Variants in ESRRB observed in about 807,000 individuals in gnomAD.
ESRRB encodes the protein estrogen related receptor beta, also known as steroid hormone receptor ERR2.
In ESRRB, 16 loss-of-function variants were observed where a neutral mutation model predicts 46.0. That is an observed-to-expected ratio of 0.35 (90% CI 0.24 to 0.53). ESRRB has a LOEUF of 0.53. Among genes scored for constraint, ESRRB ranks in the 20% least tolerant of loss-of-function variants. The pLI, the probability that ESRRB is intolerant of heterozygous loss-of-function variation, is 0.93. For missense variants in ESRRB, 488 were observed against 607.4 expected (o/e 0.80, Z 2.07); for synonymous variants, 246 against 259.6 (o/e 0.95, Z 0.50).
At chr14:76,358,325 AAGAAAGAAAGAAAGAAAGAAAGAAAG>A (rs1884412231) in intron 1 of ESRRB, among the ~76,000 whole-genome samples, 7 of 15,098 alleles carry the variant, frequency 4.6e-4, no homozygotes, top group African/African-American at 1.1e-3. Flanking sequence ...AAAAAAAAAA[AAGAAAGAAAGAAAGAAAGAAAGAAAG>A]AAAGAAAGAA....
chr14:76,472,406 G>A (rs930260994), intron 3 of ESRRB, among the ~76,000 whole-genome samples: 1 of 152,206 alleles, frequency 6.6e-6, no homozygotes, highest in African/African-American at 2.4e-5. Flanking sequence ...ATCCACCACA[G>A]TGCCCGGAGC....
At chr14:76,456,044 A>G (rs922732161) in intron 2 of ESRRB, among the ~76,000 whole-genome samples, 34 of 103,302 alleles carry the variant, frequency 3.3e-4, no homozygotes, top group African/African-American at 1.2e-3. Context: ...ACTCGCACAC[A>G]CACACACACA....
intron 1 of ESRRB, among the ~76,000 whole-genome samples, chr14:76,416,893 A>G (rs778743362): frequency 1.3e-5 from 2 of 152,228 alleles, no homozygotes; most frequent in Non-Finnish European, 2.9e-5. Flanking sequence ...TGGACAGATG[A>G]TAAACGGAGA....
chr14:76,421,696 A>C (rs1270748891), intron 1 of ESRRB, among the ~76,000 whole-genome samples: 1 of 152,220 alleles, frequency 6.6e-6, no homozygotes, highest in Non-Finnish European at 1.5e-5. Context: ...CCTGGAGGGC[A>C]CAGGCTAGGT....
intron 1 of ESRRB, among the ~76,000 whole-genome samples, chr14:76,358,665 A>G (rs550243044): frequency 2.4e-4 from 36 of 152,368 alleles, no homozygotes; most frequent in African/African-American, 8.7e-4. Context: ...CCTTGCGTTC[A>G]CTAAAACACA....
At position 76,388,175 on chromosome 14, in the gene ESRRB, C is replaced by CTTT. The variant is rs35368784; in HGVS notation, c.50+11743_50+11745dup. Among the ~76,000 whole-genome samples, 279 of 118,232 alleles carry CTTT rather than the reference C, an allele frequency of 2.4e-3. 4 individuals carry two copies. Among genetic ancestry groups the CTTT allele is most frequent in the African/African-American group, 5.3e-3 (151 of 28,332 alleles). 77.6% of individuals were successfully genotyped at this position (118,232 alleles called of 152,430 possible). The stretch of plus-strand genomic sequence containing the variant: ...TCTAGAATTTCAGCTTTCTTTCATT[C>CTTT]TTTTTTTTTTTTTTTTTTTTTGAGA... On this transcript the variant is annotated intron_variant, in intron 1 of 6. Coordinates refer to ENST00000644823, the MANE Select transcript of ESRRB (RefSeq NM_001379180.1).
intron 2 of ESRRB, among the ~76,000 whole-genome samples, chr14:76,455,224 AT>A (rs1888557649): frequency 6.6e-6 from 1 of 151,996 alleles, no homozygotes; most frequent in Non-Finnish European, 1.5e-5. Flanking sequence ...CTCAAAAAAA[AT>A]ATATATATAT....
intron 2 of ESRRB, among the ~76,000 whole-genome samples, chr14:76,457,835 G>A (rs775275215): frequency 3.3e-5 from 5 of 152,012 alleles, no homozygotes; most frequent in Non-Finnish European, 7.4e-5. Context: ...ACCATGCCTG[G>A]CTAATTTTTT....
At chr14:76,426,062 G>A (rs1177876609) in intron 1 of ESRRB, among the ~76,000 whole-genome samples, 1 of 152,232 alleles carries the variant, frequency 6.6e-6, no homozygotes, top group East Asian at 1.9e-4. Context: ...CAATCCCAGT[G>A]CTTCAGTTGC....
intron 1 of ESRRB, among the ~76,000 whole-genome samples, chr14:76,384,024 G>T (rs1423036998): frequency 6.6e-6 from 1 of 152,144 alleles, no homozygotes; most frequent in Non-Finnish European, 1.5e-5. Context: ...TGGAACCCTA[G>T]TTTGGGATCT....
At chr14:76,461,444 TA>T (rs1169659761) in intron 2 of ESRRB, among the ~76,000 whole-genome samples, 2 of 147,438 alleles carry the variant, frequency 1.4e-5, no homozygotes, top group Non-Finnish European at 3.0e-5. Flanking sequence ...GCCTACAGCT[TA>T]AAAGAGCATG....
Position 76,376,480 on chromosome 14 carries a change from T to C in ESRRB, c.50+29T>C. ...GGTGCCCTGCTTCTCGGTCTGTCTG[T>C]CCTTCTGCCCGTCTGGCAGTCTCTG... On this transcript the variant is annotated intron_variant, in intron 1 of 6. Coordinates refer to ENST00000644823, the MANE Select transcript of ESRRB (RefSeq NM_001379180.1). The surrounding 1 kb of genome is among the most constrained non-coding windows in gnomAD (Gnocchi z 4.1). The C allele has an allele frequency of 8.1e-7, 1 of 1,229,138 alleles. No individual in the cohort carries two copies. Among genetic ancestry groups the C allele is most frequent in the Non-Finnish European group, 1.0e-6 (1 of 985,594 alleles). 76.1% of individuals were successfully genotyped at this position (1,229,138 alleles called of 1,614,324 possible). A position where few individuals can be genotyped will look rare whatever the true frequency, so the allele number is the denominator to read the frequency against.
intron 1 of ESRRB, among the ~76,000 whole-genome samples, chr14:76,346,252 C>T (rs191637161): frequency 3.3e-5 from 5 of 152,290 alleles, no homozygotes; most frequent in Non-Finnish European, 5.9e-5. Context: ...AGATCCTGCC[C>T]TTAAGGTGAA....
intron 2 of ESRRB, among the ~76,000 whole-genome samples, chr14:76,445,481 A>AAG (rs1888101366): frequency 8.1e-6 from 1 of 124,042 alleles, no homozygotes; most frequent in African/African-American, 4.1e-5. Flanking sequence ...AAAAAAAAAA[A>AAG]AAAAGAAAGA....
chr14:76,487,644 C>G (rs1019397509), intron 5 of ESRRB, among the ~76,000 whole-genome samples: 2 of 151,998 alleles, frequency 1.3e-5, no homozygotes, highest in African/African-American at 4.8e-5. Flanking sequence ...CGCTTTGTCA[C>G]CCAGGCTGGA....
Position 76,482,160 on chromosome 14 carries a change from A to C in ESRRB, c.688+34A>C, listed in dbSNP as rs192294253. 1 of 1,504,556 alleles carries C rather than the reference A, an allele frequency of 6.6e-7. No homozygotes were observed. The highest frequency in any genetic ancestry group is 2.3e-5 in the East Asian group (1 of 44,392). 93.2% of individuals were successfully genotyped at this position (1,504,556 alleles called of 1,614,324 possible). On this transcript the variant is annotated intron_variant, in intron 4 of 6. Transcript: ENST00000644823. The surrounding 1 kb of genome is among the most constrained non-coding windows in gnomAD (Gnocchi z 4.3). ...CAGGGCAGTCCCTGCCCCTTTTGCC[A>C]GCATCTGTACCTGGAACATCAGGCA...
chr14:76,449,614 G>T (rs1164159944), intron 2 of ESRRB, among the ~76,000 whole-genome samples: 1 of 152,026 alleles, frequency 6.6e-6, no homozygotes, highest in Non-Finnish European at 1.5e-5. Context: ...CTCAGGCAAG[G>T]AGCATTGATT....
At chr14:76,478,043 C>G (rs1889649951) in intron 3 of ESRRB, among the ~76,000 whole-genome samples, 1 of 152,138 alleles carries the variant, frequency 6.6e-6, no homozygotes. Flanking sequence ...TTATCATTAT[C>G]ATTATTCATG....
intron 3 of ESRRB, among the ~76,000 whole-genome samples, chr14:76,479,215 GTT>G (rs1208879060): frequency 5.5e-5 from 7 of 126,808 alleles, no homozygotes; most frequent in East Asian, 2.4e-4. Context: ...AGCACTGTCT[GTT>G]TGTGTGTGTG....
Sources: allele counts gnomAD v4.1 joint callset (sites outside exome capture counted in the v4.1 genomes callset), GRCh38; gene constraint gnomAD v4.1.1; non-coding constraint Gnocchi (gnomAD v3.1); transcripts MANE v1.5; gene names NCBI Gene and HGNC (gene_info 2026-07-23, HGNC 2026-07-21).